The following PCDHA5 variants were observed in gnomAD, a reference collection of about 807,000 sequenced individuals.
The protein encoded by PCDHA5 is protocadherin alpha 5.
A neutral mutation model predicts 61.6 loss-of-function variants in PCDHA5; 43 were observed. That is an observed-to-expected ratio of 0.70 (90% CI 0.55 to 0.90). The LOEUF is 0.90. PCDHA5 is among the 40% of genes least tolerant of loss of function. The probability of loss-of-function intolerance (pLI) is 0.00; values close to 1 mark genes in which losing one functional copy is unlikely to be tolerated. For synonymous variants in PCDHA5, 627 were observed against 543.9 expected (o/e 1.15, Z -2.13); for missense variants, 1,298 against 1,222.7 (o/e 1.06, Z -0.92).
chr5:140,961,155 G>A (rs1214072320), intron 1 of PCDHA5, among the ~76,000 whole-genome samples: 2 of 152,126 alleles, frequency 1.3e-5, no homozygotes, highest in Non-Finnish European at 2.9e-5. Context: ...TATTATTTCA[G>A]TACATATCTA....
intron 1 of PCDHA5, chr5:140,861,476 C>T: frequency 2.0e-6 from 1 of 493,226 alleles, no homozygotes; most frequent in South Asian, 1.5e-5. Flanking sequence ...TGCAGAATGG[C>T]ATTTTTGTGA....
At chr5:140,898,956 T>C (rs1352076218) in intron 1 of PCDHA5, among the ~76,000 whole-genome samples, 4 of 152,130 alleles carry the variant, frequency 2.6e-5, no homozygotes, top group Admixed American at 2.6e-4. Context: ...GAAGCAGTTG[T>C]GAATGGGAGT....
chr5:140,828,741 G>T, intron 1 of PCDHA5: 1 of 1,614,220 alleles, frequency 6.2e-7, no homozygotes, highest in Non-Finnish European at 8.5e-7. Context: ...GCCACAGATG[G>T]GGGCAAACCT....
chr5:140,836,209 A>T, intron 1 of PCDHA5: 1 of 1,613,782 alleles, frequency 6.2e-7, no homozygotes, highest in Non-Finnish European at 8.5e-7. Context: ...TGGCTTTCGT[A>T]TGAGTTGCAA....
intron 1 of PCDHA5, among the ~76,000 whole-genome samples, chr5:140,888,814 T>C (rs1052564071): frequency 6.6e-6 from 1 of 152,126 alleles, no homozygotes; most frequent in Non-Finnish European, 1.5e-5. Context: ...TGATCTGTGA[T>C]CTGTGATCAC....
At chr5:140,966,821 C>T (rs1554228738) in intron 1 of PCDHA5, 1 of 1,557,928 alleles carries the variant, frequency 6.4e-7, no homozygotes, top group Admixed American at 1.9e-5. Flanking sequence ...GCTCCGGCGG[C>T]CCATGCCCTG....
At chr5:140,875,304 A>AC in intron 1 of PCDHA5, 4 of 1,416,396 alleles carry the variant, frequency 2.8e-6, no homozygotes, top group Non-Finnish European at 3.7e-6. Flanking sequence ...TTTTCTCCGC[A>AC]CCCACATTCC....
At chr5:140,965,239 G>C (rs7722865) in intron 1 of PCDHA5, among the ~76,000 whole-genome samples, 9,112 of 152,230 alleles carry the variant, frequency 0.06, 825 homozygotes, top group African/African-American at 0.2. Context: ...CCTGGGAAGA[G>C]TGAATATTCA....
At chr5:140,987,211 C>A (rs1190567678) in intron 3 of PCDHA5, among the ~76,000 whole-genome samples, 1 of 145,070 alleles carries the variant, frequency 6.9e-6, no homozygotes, top group South Asian at 2.1e-4. Flanking sequence ...GAGACTCCAT[C>A]TCAAAAAAAA....
At chr5:140,870,990 G>A (rs781832962) in intron 1 of PCDHA5, 2 of 1,613,518 alleles carry the variant, frequency 1.2e-6, no homozygotes, top group South Asian at 1.1e-5. Context: ...ACACGGGCGA[G>A]ATAAGCACAA....
At chr5:140,848,653 GGCTGGA>G (rs2150416251) in intron 1 of PCDHA5, 2 of 1,592,726 alleles carry the variant, frequency 1.3e-6, no homozygotes, top group Non-Finnish European at 1.7e-6. Context: ...CAGGACCTGG[GGCTGGA>G]GCTGGCGGAG....
intron 1 of PCDHA5, chr5:140,966,708 C>G (rs1033433543): frequency 7.2e-7 from 1 of 1,384,746 alleles, no homozygotes; most frequent in Non-Finnish European, 9.3e-7. Context: ...GCGTGGGGCA[C>G]GGCTGGGGAA....
intron 1 of PCDHA5, chr5:140,843,353 G>A: frequency 1.3e-6 from 2 of 1,596,134 alleles, no homozygotes; most frequent in African/African-American, 1.3e-5. Context: ...GGCTCCAAAA[G>A]CGTCATCGAG....
At chr5:140,836,234 T>C (rs1774307282) in intron 1 of PCDHA5, 1 of 1,613,668 alleles carries the variant, frequency 6.2e-7, no homozygotes, top group Admixed American at 1.7e-5. Flanking sequence ...TGGCGGCCGG[T>C]GCGAGCATCC....
chr5:140,904,499 A>G (rs1554191555), intron 1 of PCDHA5, among the ~76,000 whole-genome samples: 1 of 151,770 alleles, frequency 6.6e-6, no homozygotes, highest in Non-Finnish European at 1.5e-5. Flanking sequence ...AATTTTTACA[A>G]TTGTGAATTG....
At chr5:140,955,623 T>C (rs2095210763) in intron 1 of PCDHA5, among the ~76,000 whole-genome samples, 1 of 152,208 alleles carries the variant, frequency 6.6e-6, no homozygotes, top group Non-Finnish European at 1.5e-5. Context: ...GGCAGTTCTT[T>C]ATAGCAGTGT....
Position 141,010,029 on chromosome 5 carries a change from A to G in PCDHA5, c.*92A>G, listed in dbSNP as rs2098415771. 1.1e-5 allele frequency: 17 copies of G among 1,580,452 alleles called. No individual in the cohort carries two copies. In the Admixed American group the frequency reaches 3.1e-4, roughly 29 times the overall value. On this transcript the variant is annotated 3_prime_UTR_variant, in exon 4 of 4. Coordinates refer to ENST00000529859, the MANE Select transcript of PCDHA5 (RefSeq NM_018908.3). ...AATTCCCTGCTCCTTTTTCCTATCT[A>G]CATGAGCCCTCTTAGAGACCTCAGA...
At chr5:140,925,671 A>AATAATAATAATAATAATG (rs1445697337) in intron 1 of PCDHA5, among the ~76,000 whole-genome samples, 3 of 148,150 alleles carry the variant, frequency 2.0e-5, no homozygotes, top group African/African-American at 7.5e-5. Flanking sequence ...TAATAATAAT[A>AATAATAATAATAATAATG]ATAATAAAGC....
chr5:140,832,938 T>C (rs1176338223), intron 1 of PCDHA5, among the ~76,000 whole-genome samples: 1 of 152,010 alleles, frequency 6.6e-6, no homozygotes, highest in Non-Finnish European at 1.5e-5. Context: ...GAGAAGAGAG[T>C]AACTTAAGTG....
Sources: allele counts gnomAD v4.1 joint callset (sites outside exome capture counted in the v4.1 genomes callset), GRCh38; gene constraint gnomAD v4.1.1; transcripts MANE v1.5; gene names NCBI Gene and HGNC (gene_info 2026-07-23, HGNC 2026-07-21).